The following PNPLA8 variants were observed in gnomAD, a reference collection of about 807,000 sequenced individuals.
PNPLA8 encodes patatin like domain 8, phospholipase A2.
A neutral mutation model predicts 76.9 loss-of-function variants in PNPLA8; 39 were observed. The observed-to-expected ratio is 0.51, with a 90% CI of 0.39 to 0.66. The LOEUF (loss-of-function observed/expected upper bound fraction) is 0.66, where lower values mean the gene tolerates loss of function less well. PNPLA8 is among the 30% of genes least tolerant of loss of function. The probability of loss-of-function intolerance (pLI) is 0.00; values close to 1 mark genes in which losing one functional copy is unlikely to be tolerated. For synonymous variants in PNPLA8, 301 were observed against 307.9 expected (o/e 0.98, Z 0.24); for missense variants, 887 against 918.0 (o/e 0.97, Z 0.44).
intron 4 of PNPLA8, 53 bp downstream of exon 4, chr7:108,514,091 T>G (rs1863121940): frequency 1.6e-6 from 2 of 1,288,006 alleles, no homozygotes; most frequent in Admixed American, 2.2e-5. Flanking sequence ...TTTTAGATTT[T>G]TTTTAGTACT....
rs1395405548 is a variant in PNPLA8, at chr7:108,479,399, AAAAG to A, written c.1879-24_1879-21del. ...TCCATCCTGCAAAATACAAGTTAAAAAAAGAAACTTTTAAAACTGACTCACGGGG... is the reference window on the plus strand; with the variant it reads ...TCCATCCTGCAAAATACAAGTTAAAAAAACTTTTAAAACTGACTCACGGGG... On this transcript the variant is annotated intron_variant, in intron 9 of 10. Transcript: ENST00000257694. 6.4e-7 allele frequency: 1 copy of A among 1,567,684 alleles called. No individual in the cohort carries two copies. Among genetic ancestry groups the A allele is most frequent in the Non-Finnish European group, 8.7e-7 (1 of 1,149,974 alleles).
In PNPLA8 at chr7:108,521,479, T is replaced by G. The variant is rs896668156; in HGVS notation, c.-87A>C. The G allele has an allele frequency of 3.1e-5, 25 of 801,046 alleles. No individual in the cohort carries two copies. The highest frequency in any genetic ancestry group is 6.2e-5 in the Admixed American group (1 of 16,038). 49.6% of individuals were successfully genotyped at this position (801,046 alleles called of 1,614,324 possible). On this transcript the variant is annotated 5_prime_UTR_variant, in exon 2 of 11. Transcript: ENST00000257694. ...AATAAAGGAATGATCCACTTACTTA[T>G]TAAACTTCAGGTAATCATGTAGACC...
At chr7:108,512,843 T>C (rs990394819) in intron 4 of PNPLA8, among the ~76,000 whole-genome samples, 2 of 152,188 alleles carry the variant, frequency 1.3e-5, no homozygotes, top group Admixed American at 6.6e-5. Flanking sequence ...GTCCTTAGAT[T>C]TGGGATTAGT....
intron 9 of PNPLA8, among the ~76,000 whole-genome samples, chr7:108,484,153 C>A (rs1860584814): frequency 6.6e-6 from 1 of 152,162 alleles, no homozygotes; most frequent in Non-Finnish European, 1.5e-5. Context: ...GGCAGGTTTC[C>A]TGTAGTTGTG....
intron 9 of PNPLA8, chr7:108,480,682 T>C (rs1296195338): frequency 1.0e-5 from 4 of 391,950 alleles, no homozygotes; most frequent in Admixed American, 2.6e-5. Context: ...ACTTAAACAT[T>C]TTCAGTAATA....
At chr7:108,514,411 C>A (rs945576571) in intron 3 of PNPLA8, 25 bp downstream of exon 3, 5 of 1,577,948 alleles carry the variant, frequency 3.2e-6, no homozygotes, top group Non-Finnish European at 4.3e-6. Flanking sequence ...AGTAATAGAA[C>A]CGAAAAGCAC....
At position 108,512,863 on chromosome 7, in the gene PNPLA8, TA is replaced by T. The variant is rs557107043; in HGVS notation, c.1206+1280del. On this transcript the variant is annotated intron_variant, in intron 4 of 10. Coordinates refer to ENST00000257694, the MANE Select transcript of PNPLA8 (RefSeq NM_001256007.3). ...TAGATTTGGGATTAGTTATGCAAGA[TA>T]AAAGAGTCCTCAGAGTTTCAATTAG... Among the ~76,000 whole-genome samples the T allele has an allele frequency of 2.0e-3, 299 of 152,268 alleles. 1 individual carries two copies. The highest frequency in any genetic ancestry group is 4.9e-3 in the African/African-American group (205 of 41,570).
chr7:108,516,731 T>C (rs369873250), intron 2 of PNPLA8, among the ~76,000 whole-genome samples: 17 of 152,252 alleles, frequency 1.1e-4, no homozygotes, highest in African/African-American at 3.9e-4. Context: ...TGAAACCCCA[T>C]CTCTACCAAA....
At chr7:108,482,372 T>C (rs1049815612) in intron 9 of PNPLA8, among the ~76,000 whole-genome samples, 8 of 152,138 alleles carry the variant, frequency 5.3e-5, no homozygotes, top group Non-Finnish European at 4.4e-5. Flanking sequence ...CTCAGGAGGC[T>C]GAGGCAAGAG....
At chr7:108,502,320 G>A (rs1302810831) in intron 5 of PNPLA8, among the ~76,000 whole-genome samples, 171 bp downstream of exon 5, 1 of 151,514 alleles carries the variant, frequency 6.6e-6, no homozygotes, top group African/African-American at 2.4e-5. Context: ...GCGGGAGCCT[G>A]TAAATCCAGC....
chr7:108,490,277 A>G (rs1478866631), intron 8 of PNPLA8, among the ~76,000 whole-genome samples: 1 of 151,792 alleles, frequency 6.6e-6, no homozygotes, highest in African/African-American at 2.4e-5. Context: ...AGTACACTCT[A>G]TAACACAGGT....
chr7:108,488,062 G>T, intron 8 of PNPLA8, 109 bp from the exon 9 acceptor site: 1 of 518,258 alleles, frequency 1.9e-6, no homozygotes. Flanking sequence ...AACTATATGT[G>T]TAACAAATAT....
rs750137491 is a variant in PNPLA8, at chr7:108,479,290, T to C, written c.1968A>G (p.Val656=). ...TCTCATAACGTCCAGTGCCCAGGGATACTATGCACTCTAACGGCACATCTG... is the reference window on the plus strand; with the variant it reads ...TCTCATAACGTCCAGTGCCCAGGGACACTATGCACTCTAACGGCACATCTG... ...LWPDVPLECI[V]SLGTGRYESD... The change falls in exon 10 of 11, where the codon GTA becomes GTG. Residue 656 remains valine (V), a synonymous_variant. Transcript: ENST00000257694. 1.1e-5 allele frequency: 17 copies of C among 1,608,956 alleles called. No homozygotes were observed. The Middle Eastern group carries it at 4.9e-4, about 47-fold the overall frequency.
At chr7:108,481,663 A>C (rs369013305) in intron 9 of PNPLA8, among the ~76,000 whole-genome samples, 111 of 152,322 alleles carry the variant, frequency 7.3e-4, no homozygotes, top group African/African-American at 2.6e-3. Flanking sequence ...GTATATCTGC[A>C]GAGCTAAATT....
intron 4 of PNPLA8, among the ~76,000 whole-genome samples, chr7:108,513,219 T>G (rs548427187): frequency 6.6e-6 from 1 of 152,312 alleles, no homozygotes; most frequent in Non-Finnish European, 1.5e-5. Flanking sequence ...CACTGAAATG[T>G]GAAATATACT....
chr7:108,526,556 C>CTCAGGCAGGAA (rs1383780038), upstream of PNPLA8, among the ~76,000 whole-genome samples: 3 of 152,254 alleles, frequency 2.0e-5, no homozygotes, highest in Admixed American at 6.5e-5. Flanking sequence ...GTCCCTGAAG[C>CTCAGGCAGGAA]CCCTGCCTGC....
intron 1 of PNPLA8, among the ~76,000 whole-genome samples, chr7:108,521,927 C>T (rs979091358): frequency 6.6e-6 from 1 of 152,160 alleles, no homozygotes; most frequent in Non-Finnish European, 1.5e-5. Context: ...GTTCAGGCCA[C>T]GATGGAAGGG....
intron 9 of PNPLA8, among the ~76,000 whole-genome samples, chr7:108,480,538 C>T (rs1004721152): frequency 6.6e-6 from 1 of 152,128 alleles, no homozygotes; most frequent in East Asian, 1.9e-4. Flanking sequence ...TGAATAAACT[C>T]GAATGATTTT....
chr7:108,488,466 C>T (rs1019481424), intron 8 of PNPLA8, among the ~76,000 whole-genome samples: 4 of 152,040 alleles, frequency 2.6e-5, no homozygotes, highest in South Asian at 2.1e-4. Context: ...TCCAGCTACT[C>T]GGGAGGCTGA....
Sources: gnomAD v4.1 joint callset for allele counts (sites outside exome capture counted in the v4.1 genomes callset) on GRCh38, gnomAD v4.1.1 for gene constraint, MANE v1.5 for transcripts, NCBI Gene and HGNC (gene_info 2026-07-23, HGNC 2026-07-21) for gene names.